SLC39A11: variants seen among roughly 807,000 people sequenced by gnomAD.
SLC39A11 encodes the protein solute carrier family 39 member 11, also known as zinc transporter ZIP11.
A neutral mutation model predicts 36.1 loss-of-function variants in SLC39A11; 33 were observed. That is an observed-to-expected ratio of 0.91 (90% CI 0.69 to 1.22). The LOEUF (loss-of-function observed/expected upper bound fraction) is 1.22, where lower values mean the gene tolerates loss of function less well. Among genes scored for constraint, SLC39A11 ranks in the 50% most tolerant of loss-of-function variants. The probability of loss-of-function intolerance (pLI) is 0.00; values close to 1 mark genes in which losing one functional copy is unlikely to be tolerated. For synonymous variants in SLC39A11, 166 were observed against 170.3 expected (o/e 0.97, Z 0.20); for missense variants, 432 against 430.3 (o/e 1.00, Z -0.03).
At chr17:72,916,624 G>C (rs62069602) in intron 5 of SLC39A11, among the ~76,000 whole-genome samples, 58,951 of 151,912 alleles carry the variant, frequency 0.39, 11,924 homozygotes, top group African/African-American at 0.52. Context: ...AACCATCCTG[G>C]CCTTAGTACT....
chr17:72,892,343 G>A (rs1250891439), intron 5 of SLC39A11, among the ~76,000 whole-genome samples: 2 of 150,234 alleles, frequency 1.3e-5, no homozygotes, highest in African/African-American at 4.9e-5. Flanking sequence ...TCAGGAGGTG[G>A]AGGATACAGT....
chr17:73,063,806 C>T (rs1182529321), intron 3 of SLC39A11, among the ~76,000 whole-genome samples: 1 of 152,150 alleles, frequency 6.6e-6, no homozygotes, highest in Non-Finnish European at 1.5e-5. Context: ...GGATACTCTC[C>T]CCCACACAGA....
chr17:72,730,539 T>G (rs1258994134), intron 7 of SLC39A11, among the ~76,000 whole-genome samples: 3 of 152,258 alleles, frequency 2.0e-5, no homozygotes, highest in Non-Finnish European at 4.4e-5. Context: ...ATCTGACGGC[T>G]GAATTATTTC....
chr17:72,961,537 AC>A, intron 4 of SLC39A11, among the ~76,000 whole-genome samples: 1 of 152,304 alleles, frequency 6.6e-6, no homozygotes, highest in Non-Finnish European at 1.5e-5. Flanking sequence ...GCACATATAC[AC>A]CATGGAATAC....
chr17:72,678,694 A>AG (rs2071385214), intron 7 of SLC39A11, among the ~76,000 whole-genome samples: 4 of 146,860 alleles, frequency 2.7e-5, no homozygotes, highest in Non-Finnish European at 6.2e-5. Flanking sequence ...GAGAAAAAAA[A>AG]AAGAGAGAAA....
chr17:73,050,688 C>T (rs1040769086), intron 3 of SLC39A11, among the ~76,000 whole-genome samples: 8 of 152,128 alleles, frequency 5.3e-5, no homozygotes, highest in South Asian at 2.1e-4. Context: ...TGGTCTTGAA[C>T]TCTTGACCTC....
chr17:72,780,271 A>G (rs2076264656), intron 6 of SLC39A11, among the ~76,000 whole-genome samples: 2 of 152,212 alleles, frequency 1.3e-5, no homozygotes, highest in South Asian at 4.2e-4. Context: ...CTCTGAAAAC[A>G]CTTCCCAAGG....
chr17:72,951,901 C>T (rs1438116409), intron 4 of SLC39A11, among the ~76,000 whole-genome samples: 1 of 152,124 alleles, frequency 6.6e-6, no homozygotes, highest in Non-Finnish European at 1.5e-5. Flanking sequence ...CATCTCTTTT[C>T]ACCTTTCTAT....
At chr17:73,066,176 C>T (rs1313967806) in intron 3 of SLC39A11, among the ~76,000 whole-genome samples, 3 of 152,162 alleles carry the variant, frequency 2.0e-5, no homozygotes, top group Admixed American at 6.5e-5. Context: ...TGTAAAGAAG[C>T]CTAGGCTACA....
rs376169224 is a variant in SLC39A11 at position 72,963,169 on chromosome 17, C to T, written c.307-15294G>A. Among the ~76,000 whole-genome samples the T allele has an allele frequency of 1.3e-3, 147 of 114,504 alleles. 4 individuals carry two copies. Among genetic ancestry groups the T allele is most frequent in the Middle Eastern group, 6.0e-3 (1 of 168 alleles). 75.1% of individuals were successfully genotyped at this position (114,504 alleles called of 152,430 possible). On this transcript the variant is annotated intron_variant, in intron 4 of 9. Transcript: ENST00000255559. ...TGGGGTATAATTCTTTTTTTCCTTT[C>T]TTTTTTTTTTTTTTTTTTTGAGATG...
chr17:73,010,187 A>G (rs1485499564), intron 4 of SLC39A11, among the ~76,000 whole-genome samples: 1 of 152,090 alleles, frequency 6.6e-6, no homozygotes, highest in East Asian at 1.9e-4. Flanking sequence ...TCTGAGGCAC[A>G]GAGTCTGGGG....
intron 6 of SLC39A11, among the ~76,000 whole-genome samples, chr17:72,755,305 G>T (rs10512589): frequency 1.3e-5 from 2 of 152,160 alleles, no homozygotes; most frequent in Non-Finnish European, 2.9e-5. Flanking sequence ...GAGTGAATAA[G>T]GGCAACGAAA....
At chr17:73,078,367 T>C (rs1264981647) in intron 3 of SLC39A11, among the ~76,000 whole-genome samples, 3 of 152,292 alleles carry the variant, frequency 2.0e-5, no homozygotes, top group Admixed American at 2.0e-4. Context: ...CATGTAAATA[T>C]GCAGACAGAT....
intron 7 of SLC39A11, among the ~76,000 whole-genome samples, chr17:72,655,022 G>A (rs1454432362): frequency 1.3e-5 from 2 of 152,182 alleles, no homozygotes; most frequent in African/African-American, 2.4e-5. Flanking sequence ...GCCCTGGCAC[G>A]GGGCTGCCAG....
intron 6 of SLC39A11, among the ~76,000 whole-genome samples, chr17:72,771,339 G>C (rs1340303870): frequency 6.9e-6 from 1 of 144,430 alleles, no homozygotes; most frequent in Non-Finnish European, 1.5e-5. Flanking sequence ...CTGGGCAACA[G>C]AGCGAGACCC....
intron 7 of SLC39A11, among the ~76,000 whole-genome samples, chr17:72,717,655 G>C (rs2073464370): frequency 6.6e-6 from 1 of 152,220 alleles, no homozygotes; most frequent in South Asian, 2.1e-4. Flanking sequence ...CCCTAATCCA[G>C]TACGAGCTGA....
At chr17:73,035,818 C>T (rs1450905179) in intron 3 of SLC39A11, among the ~76,000 whole-genome samples, 6 of 130,892 alleles carry the variant, frequency 4.6e-5, no homozygotes, top group East Asian at 4.7e-4. Context: ...GAGCCAAGAT[C>T]GCACTACTGC....
chr17:72,865,009 A>T (rs542519609), intron 5 of SLC39A11, among the ~76,000 whole-genome samples: 1 of 152,324 alleles, frequency 6.6e-6, no homozygotes, highest in South Asian at 2.1e-4. Context: ...GATAAAGATA[A>T]ACCAAAATCT....
Position 72,900,157 on chromosome 17 carries a change from GAAA to G in SLC39A11, c.430+47592_430+47594del, listed in dbSNP as rs2082290046. On this transcript the variant is annotated intron_variant, in intron 5 of 9. Transcript: ENST00000255559. ...AAGAAAGAAAAAGAAAGAAAGAAAA[GAAA>G]GAAAGAAAGAAAGAAAGAAAGAAAG... Among the ~76,000 whole-genome samples, 14 of 24,828 alleles carry G rather than the reference GAAA, an allele frequency of 5.6e-4. 1 individual carries two copies. In the South Asian group the frequency reaches 0.015, roughly 27 times the overall value. 16.3% of individuals were successfully genotyped at this position (24,828 alleles called of 152,430 possible).
Sources: gnomAD v4.1 joint callset for allele counts (sites outside exome capture counted in the v4.1 genomes callset) on GRCh38, gnomAD v4.1.1 for gene constraint, MANE v1.5 for transcripts, NCBI Gene and HGNC (gene_info 2026-07-23, HGNC 2026-07-21) for gene names.